The following SORCS2 variants were observed in gnomAD, a reference collection of about 807,000 sequenced individuals.
SORCS2 encodes the protein sortilin related VPS10 domain containing receptor 2, also known as VPS10 domain-containing receptor SorCS2.
A neutral mutation model predicts 141.6 loss-of-function variants in SORCS2; 100 were observed. That is an observed-to-expected ratio of 0.71 (90% CI 0.60 to 0.83). SORCS2 has a LOEUF of 0.83. Ranked by LOEUF, SORCS2 falls within the 40% of genes least tolerant of loss-of-function variation. The pLI is 0.00. For missense variants in SORCS2, 1,646 were observed against 1,560.2 expected (o/e 1.05, Z -0.93); for synonymous variants, 789 against 676.9 (o/e 1.17, Z -2.57).
rs558937816 is a variant in SORCS2, at chr4:7,675,806, G to C, written c.1162-244G>C. Among the ~76,000 whole-genome samples the C allele has an allele frequency of 2.1e-4, 32 of 152,274 alleles. No homozygotes were observed. In the South Asian group the frequency reaches 5.4e-3, roughly 26 times the overall value. On this transcript the variant is annotated intron_variant, in intron 8 of 26. Transcript: ENST00000507866. The stretch of plus-strand genomic sequence containing the variant: ...TCCCCAGGCCACCCTCCCATAACCC[G>C]GCGTAGAGCATCCCAACGCCATCCC...
At chr4:7,591,666 C>T (rs1263077224) in intron 3 of SORCS2, among the ~76,000 whole-genome samples, 6 of 152,274 alleles carry the variant, frequency 3.9e-5, no homozygotes, top group South Asian at 2.1e-4. Flanking sequence ...TTAACGATGA[C>T]GAGGGGGGTG....
rs747903610 is a variant in SORCS2 at position 7,726,768 on chromosome 4, G to A, written c.2746-12G>A. The A allele has an allele frequency of 5.6e-6, 9 of 1,612,600 alleles. No individual in the cohort carries two copies. Among genetic ancestry groups the A allele is most frequent in the South Asian group, 1.1e-5 (1 of 90,992 alleles). ...CTCGGCCAGGCCCCTAAGCCCTGCT[G>A]TGCCCCTGCAGCCCCTCCTTTCCCT... On this transcript the variant is annotated splice_polypyrimidine_tract_variant and intron_variant, in intron 20 of 26. Coordinates refer to ENST00000507866, the MANE Select transcript of SORCS2 (RefSeq NM_020777.3).
intron 3 of SORCS2, 101 bp from the exon 4 acceptor site, chr4:7,638,227 T>G: frequency 7.4e-7 from 1 of 1,348,256 alleles, no homozygotes; most frequent in Non-Finnish European, 1.0e-6. Flanking sequence ...CTTTCTGGTG[T>G]GAGGGAGAGA....
chr4:7,343,218 G>A (rs1720463459), intron 1 of SORCS2, among the ~76,000 whole-genome samples: 1 of 152,188 alleles, frequency 6.6e-6, no homozygotes, highest in African/African-American at 2.4e-5. Flanking sequence ...TGGCAGCATG[G>A]GCCTCAGGGA....
intron 9 of SORCS2, among the ~76,000 whole-genome samples, chr4:7,676,894 C>T (rs56080529): frequency 0.029 from 677 of 23,374 alleles, 82 homozygotes; most frequent in Middle Eastern, 0.062. Flanking sequence ...AAGTTGGCCT[C>T]TCTCTCTCTC....
At chr4:7,260,110 C>T (rs1035311653) in intron 1 of SORCS2, among the ~76,000 whole-genome samples, 3 of 152,206 alleles carry the variant, frequency 2.0e-5, no homozygotes, top group Non-Finnish European at 2.9e-5. Flanking sequence ...TCCCCTTTTC[C>T]CTTTCAGAAC....
At chr4:7,474,577 G>T (rs1037738136) in intron 2 of SORCS2, among the ~76,000 whole-genome samples, 1 of 152,198 alleles carries the variant, frequency 6.6e-6, no homozygotes, top group African/African-American at 2.4e-5. Context: ...TGTGAATTCT[G>T]CATGGGGTGC....
chr4:7,515,976 G>T (rs56278561), intron 2 of SORCS2, among the ~76,000 whole-genome samples: 7,669 of 152,266 alleles, frequency 0.05, 236 homozygotes, highest in East Asian at 0.097. Context: ...AGTCTCAAGG[G>T]TGCTCTCGGC....
chr4:7,420,221 T>C lies in SORCS2; in HGVS notation c.548+23866T>C, dbSNP rs569640232. 2.0e-5 allele frequency among the ~76,000 whole-genome samples: 3 copies of C among 152,244 alleles called. No individual in the cohort carries two copies. The East Asian group carries it at 5.8e-4, about 29-fold the overall frequency. On this transcript the variant is annotated intron_variant, in intron 2 of 26. Coordinates refer to ENST00000507866, the MANE Select transcript of SORCS2 (RefSeq NM_020777.3). ...ACACCCAGCTGGCCCCAGTAGAAAA[T>C]GGCTGCAGCAACGCCAGTTTTGGAG...
chr4:7,378,426 T>C (rs935221075), intron 1 of SORCS2, among the ~76,000 whole-genome samples: 1 of 152,120 alleles, frequency 6.6e-6, no homozygotes, highest in African/African-American at 2.4e-5. Context: ...AGGAAACTTA[T>C]AATCATGGTG....
At chr4:7,522,361 T>C (rs1191458072) in intron 2 of SORCS2, among the ~76,000 whole-genome samples, 1 of 152,270 alleles carries the variant, frequency 6.6e-6, no homozygotes, top group Non-Finnish European at 1.5e-5. Context: ...GCAGCCGATT[T>C]GCAGACAGCA....
At chr4:7,713,666 G>C (rs59948730) in intron 15 of SORCS2, among the ~76,000 whole-genome samples, 40,901 of 152,088 alleles carry the variant, frequency 0.27, 6,315 homozygotes, top group East Asian at 0.58. Flanking sequence ...TAGGGAGGGC[G>C]ATCGGATATC....
At chr4:7,248,660 C>G (rs1019671800) in intron 1 of SORCS2, among the ~76,000 whole-genome samples, 1 of 152,274 alleles carries the variant, frequency 6.6e-6, no homozygotes, top group South Asian at 2.1e-4. Context: ...TTTTAAGGTC[C>G]TTGTTCTTTA....
rs182171641 is a variant in SORCS2, at chr4:7,472,629, C to A, written c.549-58901C>A. 2.0e-3 allele frequency among the ~76,000 whole-genome samples: 310 copies of A among 152,256 alleles called. 3 individuals are homozygous for A. The highest frequency in any genetic ancestry group is 7.2e-3 in the African/African-American group (297 of 41,534). ...CCGAATGTTTCTTTCACACACGCCG[C>A]GCTTCTGGGAAGGACACGGGAGGGC... On this transcript the variant is annotated intron_variant, in intron 2 of 26. Coordinates refer to ENST00000507866, the MANE Select transcript of SORCS2 (RefSeq NM_020777.3).
rs113681393 is a variant in SORCS2 at position 7,483,247 on chromosome 4, C to T, written c.549-48283C>T. Among the ~76,000 whole-genome samples, 260 of 147,424 alleles carry T rather than the reference C, an allele frequency of 1.8e-3. 1 individual carries two copies. The highest frequency in any genetic ancestry group is 6.1e-3 in the African/African-American group (239 of 39,398). On this transcript the variant is annotated intron_variant, in intron 2 of 26. Transcript: ENST00000507866. ...CTGAGGCAGGAGGATGGCGTGAACCCGGGAGACGGAGGTTGAAGTGAACCG... is the reference window on the plus strand; with the variant it reads ...CTGAGGCAGGAGGATGGCGTGAACCTGGGAGACGGAGGTTGAAGTGAACCG...
chr4:7,361,114 CCT>C (rs1721554915), intron 1 of SORCS2, among the ~76,000 whole-genome samples: 1 of 152,172 alleles, frequency 6.6e-6, no homozygotes, highest in Non-Finnish European at 1.5e-5. Context: ...CCACCACTTC[CCT>C]GTCTTCCTCA....
At chr4:7,738,542 C>G (rs914977815) in intron 26 of SORCS2, among the ~76,000 whole-genome samples, 1 of 152,182 alleles carries the variant, frequency 6.6e-6, no homozygotes, top group African/African-American at 2.4e-5. Context: ...TCGGCACACA[C>G]CTCTCACCGT....
intron 1 of SORCS2, among the ~76,000 whole-genome samples, chr4:7,375,871 C>A (rs1722609088): frequency 7.5e-6 from 1 of 132,986 alleles, no homozygotes; most frequent in African/African-American, 4.0e-5. Context: ...AGTCACTTTC[C>A]CTACCATCGG....
intron 12 of SORCS2, 42 bp from the exon 13 acceptor site, chr4:7,703,238 C>CA: frequency 6.5e-7 from 1 of 1,533,216 alleles, no homozygotes; most frequent in Non-Finnish European, 8.9e-7. Flanking sequence ...AACCTCCGAC[C>CA]TTCTCAGGCC....
Sources: gnomAD v4.1 joint callset for allele counts (sites outside exome capture counted in the v4.1 genomes callset) on GRCh38, gnomAD v4.1.1 for gene constraint, MANE v1.5 for transcripts, NCBI Gene and HGNC (gene_info 2026-07-23, HGNC 2026-07-21) for gene names.